HS3ST5: variants seen among roughly 807,000 people sequenced by gnomAD.
HS3ST5 encodes heparan sulfate glucosamine 3-O-sulfotransferase 5.
A neutral mutation model predicts 25.4 loss-of-function variants in HS3ST5; 10 were observed. That is an observed-to-expected ratio of 0.39 (90% CI 0.24 to 0.67). HS3ST5 has a LOEUF of 0.67. HS3ST5 is among the 30% of genes least tolerant of loss of function. The pLI is 0.44. For synonymous variants in HS3ST5, 170 were observed against 162.4 expected, an observed-to-expected ratio of 1.05 and a Z score of -0.36; for missense variants, 324 against 420.7, an observed-to-expected ratio of 0.77 and a Z score of 2.01.
At chr6:114,235,407 G>A (rs139251460) in intron 1 of HS3ST5, among the ~76,000 whole-genome samples, 29 of 151,116 alleles carry the variant, frequency 1.9e-4, no homozygotes, top group Admixed American at 9.9e-4. Flanking sequence ...AAAAATACAC[G>A]TACATTGTAA....
intron 1 of HS3ST5, among the ~76,000 whole-genome samples, chr6:114,232,533 C>T (rs1008094060): frequency 2.6e-5 from 4 of 152,092 alleles, no homozygotes; most frequent in Non-Finnish European, 4.4e-5. Context: ...TGAACTTCAA[C>T]GTTTTGAAGA....
intron 2 of HS3ST5, among the ~76,000 whole-genome samples, chr6:114,198,663 T>C (rs984769): frequency 0.42 from 63,435 of 152,130 alleles, 14,405 homozygotes; most frequent in South Asian, 0.65. Context: ...AAATTCAATG[T>C]ACAATTAAAT....
chr6:114,315,698 G>T (rs895718173), intron 1 of HS3ST5, among the ~76,000 whole-genome samples: 2 of 152,268 alleles, frequency 1.3e-5, no homozygotes, highest in South Asian at 4.1e-4. Flanking sequence ...TTTATGAAAA[G>T]ATTGGACTTT....
chr6:114,272,217 C>A (rs1263288470), intron 1 of HS3ST5, among the ~76,000 whole-genome samples: 7 of 152,028 alleles, frequency 4.6e-5, no homozygotes, highest in Non-Finnish European at 1.5e-5. Context: ...TGGATTGAAT[C>A]CTAGATTTGG....
chr6:114,291,302 G>T (rs954074075), intron 1 of HS3ST5, among the ~76,000 whole-genome samples: 2 of 152,112 alleles, frequency 1.3e-5, no homozygotes, highest in Non-Finnish European at 2.9e-5. Context: ...TCTGAAGAGA[G>T]TTTTTGTTTT....
chr6:114,305,948 A>C (rs1404155730), intron 1 of HS3ST5, among the ~76,000 whole-genome samples: 1 of 152,078 alleles, frequency 6.6e-6, no homozygotes, highest in Non-Finnish European at 1.5e-5. Context: ...TGGACTACAT[A>C]ATGTTGAACT....
intron 2 of HS3ST5, among the ~76,000 whole-genome samples, chr6:114,192,436 G>C (rs145528151): frequency 6.6e-6 from 1 of 152,112 alleles, no homozygotes; most frequent in African/African-American, 2.4e-5. Flanking sequence ...AGAGTACAAG[G>C]CCAAACCTGT....
At chr6:114,152,092 G>A (rs573155995) in intron 3 of HS3ST5, among the ~76,000 whole-genome samples, 6 of 152,008 alleles carry the variant, frequency 3.9e-5, no homozygotes, top group East Asian at 3.9e-4. Flanking sequence ...CACCATGCCC[G>A]GCGAATTTTT....
At chr6:114,245,757 C>T (rs1355583342) in intron 1 of HS3ST5, among the ~76,000 whole-genome samples, 1 of 152,202 alleles carries the variant, frequency 6.6e-6, no homozygotes, top group African/African-American at 2.4e-5. Context: ...AAACAGCAGA[C>T]TCCCAGAGTC....
chr6:114,261,836 C>G (rs959192897), intron 1 of HS3ST5, among the ~76,000 whole-genome samples: 1 of 152,174 alleles, frequency 6.6e-6, no homozygotes, highest in Non-Finnish European at 1.5e-5. Flanking sequence ...GTGTTTCTGC[C>G]TCCATATTTA....
intron 1 of HS3ST5, chr6:114,230,314 A>T (rs148996028): frequency 9.9e-5 from 15 of 152,132 alleles, no homozygotes; most frequent in African/African-American, 3.4e-4. Context: ...TGCCTCGGTG[A>T]CAAAGCTATG....
At chr6:114,087,140 A>G (rs2114782503) in intron 3 of HS3ST5, among the ~76,000 whole-genome samples, 1 of 152,138 alleles carries the variant, frequency 6.6e-6, no homozygotes, top group Admixed American at 6.5e-5. Flanking sequence ...ATTTAGCTAC[A>G]TGTTGACCTC....
chr6:114,071,910 C>T (rs1773849935), intron 3 of HS3ST5, among the ~76,000 whole-genome samples: 1 of 152,128 alleles, frequency 6.6e-6, no homozygotes, highest in Non-Finnish European at 1.5e-5. Context: ...CAGATCTCAA[C>T]ATTGCAGCAT....
chr6:114,237,299 A>G (rs536241701), intron 1 of HS3ST5, among the ~76,000 whole-genome samples: 10 of 151,870 alleles, frequency 6.6e-5, no homozygotes, highest in Non-Finnish European at 1.5e-4. Context: ...GAAAGTTCAA[A>G]TAAGTCAAAA....
intron 2 of HS3ST5, among the ~76,000 whole-genome samples, chr6:114,212,887 A>C (rs1781566302): frequency 6.6e-6 from 1 of 152,174 alleles, no homozygotes; most frequent in Non-Finnish European, 1.5e-5. Context: ...AGGTGAGTGG[A>C]TGCAGGGGCT....
chr6:114,254,160 A>C (rs900028081), intron 1 of HS3ST5, among the ~76,000 whole-genome samples: 2 of 152,208 alleles, frequency 1.3e-5, no homozygotes, highest in Admixed American at 6.5e-5. Flanking sequence ...AGCGCACTGC[A>C]GTGGTGGAGC....
At chr6:114,069,347 T>A (rs1404764392) in intron 3 of HS3ST5, among the ~76,000 whole-genome samples, 2 of 148,314 alleles carry the variant, frequency 1.3e-5, no homozygotes, top group Non-Finnish European at 3.0e-5. Context: ...AATATTATCT[T>A]TTTTTTTTTA....
chr6:114,335,649 C>CTT (rs939502327), intron 1 of HS3ST5, among the ~76,000 whole-genome samples: 2 of 145,006 alleles, frequency 1.4e-5, no homozygotes, highest in Middle Eastern at 3.5e-3. Context: ...AAAGCCTCCT[C>CTT]TTTTTTTTTT....
At chr6:114,201,155 G>A (rs1202856849) in intron 2 of HS3ST5, among the ~76,000 whole-genome samples, 1 of 151,868 alleles carries the variant, frequency 6.6e-6, no homozygotes, top group Non-Finnish European at 1.5e-5. Flanking sequence ...GATATGTCCA[G>A]TACTAAATTT....
Sources: gnomAD v4.1 joint callset for allele counts (sites outside exome capture counted in the v4.1 genomes callset) on GRCh38, gnomAD v4.1.1 for gene constraint, MANE v1.5 for transcripts, NCBI Gene and HGNC (gene_info 2026-07-23, HGNC 2026-07-21) for gene names.